The following TSC2 variants were observed in gnomAD, a reference collection of about 807,000 sequenced individuals.
TSC2 encodes tuberin.
In TSC2, 29 loss-of-function variants were observed where a neutral mutation model predicts 202.2. The ratio of observed to expected loss-of-function variants is 0.14; its 90% CI spans 0.11 to 0.20. The LOEUF is 0.20. Ranked by LOEUF, TSC2 falls within the 10% of genes least tolerant of loss-of-function variation. TSC2 has a pLI of 1.00. For synonymous variants in TSC2, 1,349 were observed against 1,044.0 expected (o/e 1.29, Z -5.63); for missense variants, 2,429 against 2,420.0 (o/e 1.00, Z -0.08).
At position 2,056,211 on chromosome 16, in the gene TSC2, G is replaced by A. The variant is rs1596275291; in HGVS notation, c.615G>A (p.Leu205=). The part of the protein sequence containing the change: ...IARMVQMICL[L]CVRTASSVDI... ...CTCCCTGCAGGATGATCTGTCTGCTGTGCGTCCGGACCGCGTCCTCTGTGG... is the reference window on the plus strand; with the variant it reads ...CTCCCTGCAGGATGATCTGTCTGCTATGCGTCCGGACCGCGTCCTCTGTGG... Residue 205 remains leucine, a synonymous_variant, in exon 7 of 42, where the codon CTG becomes CTA. Coordinates refer to ENST00000219476, the MANE Select transcript of TSC2 (RefSeq NM_000548.5). The A allele has an allele frequency of 1.9e-6, 3 of 1,614,018 alleles. No individual in the cohort carries two copies. The highest frequency in any genetic ancestry group is 2.5e-6 in the Non-Finnish European group (3 of 1,180,042).
In TSC2 at chr16:2,048,438, A is replaced by T. The variant is rs2150966887; in HGVS notation, c.-29-149A>T. On this transcript the variant is annotated intron_variant, in intron 1 of 41. Coordinates refer to ENST00000219476, the MANE Select transcript of TSC2 (RefSeq NM_000548.5). ...CTAGGTGCCTGTTTGCGAGCTGGTC[A>T]GCTGGGCTGTAGTTGAGTTCTCCCA... is the stretch of plus-strand genomic sequence containing the variant. The T allele has an allele frequency of 2.8e-6, 3 of 1,055,360 alleles. No homozygotes were observed. In the East Asian group the frequency reaches 7.8e-5, roughly 27 times the overall value. 65.4% of individuals were successfully genotyped at this position (1,055,360 alleles called of 1,614,324 possible). A position where few individuals can be genotyped will look rare whatever the true frequency, so the allele number is the denominator to read the frequency against.
rs1216419213 is a variant in TSC2, at chr16:2,056,251, G to C, written c.648+7G>C. 1 of 1,614,006 alleles carries C rather than the reference G, an allele frequency of 6.2e-7. No individual in the cohort carries two copies. Among genetic ancestry groups the C allele is most frequent in the African/African-American group, 1.3e-5 (1 of 75,066 alleles). On this transcript the variant is annotated splice_region_variant and intron_variant, in intron 7 of 41. Coordinates refer to ENST00000219476, the MANE Select transcript of TSC2 (RefSeq NM_000548.5). ...GTCCTCTGTGGACATAGAGGTCAGT[G>C]CCTCCCCTCCCCAGGGCCGGCCCAT...
intron 16 of TSC2, among the ~76,000 whole-genome samples, chr16:2,067,771 AAAAAC>A (rs1050378527): frequency 6.6e-6 from 1 of 152,292 alleles, no homozygotes; most frequent in South Asian, 2.1e-4. Context: ...ACAACGTCTC[AAAAAC>A]AAAACAAAGC....
rs760265207 is a variant in TSC2, at chr16:2,074,290, C to G, written c.2446C>G (p.Pro816Ala). The change falls in exon 22 of 42, where the codon CCT (proline) becomes GCT (alanine). Residue 816 changes from proline to alanine, a missense_variant. Physicochemically the swap from Pro to Ala is conservative, Grantham distance 27 (BLOSUM62 -1). Transcript: ENST00000219476. ...CTTGTCCATCTGCAGCGTGGAGATG[C>G]CTGACATCATCATCAAGGCGCTGCC... is the stretch of plus-strand genomic sequence containing the variant. ...VALSICSVEM[P>A]DIIIKALPVL... 2 of 1,613,044 alleles carry G rather than the reference C, an allele frequency of 1.2e-6. No homozygotes were observed. The highest frequency in any genetic ancestry group is 1.7e-6 in the Non-Finnish European group (2 of 1,180,036).
At position 2,085,453 on chromosome 16, in the gene TSC2, T is replaced by C. The variant is rs537588884; in HGVS notation, c.4662+131T>C. 14 of 979,846 alleles carry C rather than the reference T, an allele frequency of 1.4e-5. No individual in the cohort carries two copies. The African/African-American group carries it at 2.1e-4, about 15-fold the overall frequency. The allele number at this position is 979,846 out of a possible 1,614,324, so 60.7% of individuals were successfully genotyped here. On this transcript the variant is annotated intron_variant, in intron 36 of 41. Transcript: ENST00000219476. ...CCGGGTCCCCTACAGCATGAAGTGC[T>C]CATTGAGCTCTGTGCCAGGTGCTGC...
At chr16:2,056,568 G>T in intron 7 of TSC2, 76 bp from the exon 8 acceptor site, 2 of 1,581,558 alleles carry the variant, frequency 1.3e-6, no homozygotes, top group Non-Finnish European at 1.7e-6. Flanking sequence ...AAGGAGGTGG[G>T]AAGGAAGCCT....
intron 36 of TSC2, among the ~76,000 whole-genome samples, chr16:2,085,761 C>T (rs2090699023): frequency 1.3e-5 from 2 of 152,218 alleles, no homozygotes; most frequent in South Asian, 4.1e-4. Flanking sequence ...CCTCAGCGCC[C>T]TATAGGCTGC....
In TSC2 at chr16:2,085,006, C is replaced by T. The variant is rs1057522800; in HGVS notation, c.4549C>T (p.Pro1517Ser). Reference protein sequence around the residue: ...SPFFGDESNKPILLPNESQSF... With the variant: ...SPFFGDESNKSILLPNESQSF... ...CTTCTTTGGCGACGAGTCAAACAAG[C>T]CAATCCTGCTGCCCAATGAGGTAGG... Residue 1517 changes from proline (P) to serine (S), a missense_variant, in exon 35 of 42, where the codon CCA (proline) becomes TCA (serine). By Grantham distance (74) the Pro-to-Ser change is moderately conservative. Coordinates refer to ENST00000219476, the MANE Select transcript of TSC2 (RefSeq NM_000548.5). The T allele has an allele frequency of 1.2e-6, 2 of 1,613,432 alleles. No individual in the cohort carries two copies. Among genetic ancestry groups the T allele is most frequent in the East Asian group, 4.5e-5 (2 of 44,878 alleles).
chr16:2,087,272 G>A (rs752940717), intron 38 of TSC2: 27 of 357,752 alleles, frequency 7.5e-5, no homozygotes, highest in South Asian at 1.4e-4. Context: ...AGGTGGGCTG[G>A]GTCGGCCAGT....
In TSC2 at chr16:2,074,382, C is replaced by A. The variant is rs1360361868; in HGVS notation, c.2538C>A (p.Phe846Leu). 2 of 1,610,784 alleles carry A rather than the reference C, an allele frequency of 1.2e-6. No individual in the cohort carries two copies. The highest frequency in any genetic ancestry group is 1.1e-5 in the South Asian group (1 of 91,082). The part of the protein sequence containing the change: ...TASMAVPLLE[F>L]LSTLARLPHL... ...GCATGGCCGTCCCACTGCTGGAGTTCCTGTCCAGTGAGTCCCCGCCCTGCC... is the reference window on the plus strand; with the variant it reads ...GCATGGCCGTCCCACTGCTGGAGTTACTGTCCAGTGAGTCCCCGCCCTGCC... The change falls in exon 22 of 42, where the codon TTC (phenylalanine) becomes TTA (leucine). Residue 846 changes from phenylalanine (F) to leucine (L), a missense_variant. Coordinates refer to ENST00000219476, the MANE Select transcript of TSC2 (RefSeq NM_000548.5).
intron 7 of TSC2, 149 bp downstream of exon 7, chr16:2,056,393 A>G: frequency 8.2e-7 from 1 of 1,225,820 alleles, no homozygotes; most frequent in East Asian, 2.5e-5. Flanking sequence ...TCCCCCATGT[A>G]AGTCAGGATA....
Position 2,080,340 on chromosome 16 carries a change from C to G in TSC2, c.3573C>G (p.Thr1191=), listed in dbSNP as rs768318835. ...TNLAAYVPLL[T]QGWAEILVRR... is the part of the protein sequence containing the mutation. ...TGGCGGCCTATGTGCCCCTGCTGAC[C>G]CAGGGCTGGGCGGAGATCCTGGTCC... Residue 1191 remains threonine (T), a synonymous_variant, in exon 30 of 42, where the codon ACC becomes ACG. Transcript: ENST00000219476. 6.2e-7 allele frequency: 1 copy of G among 1,612,506 alleles called. No homozygotes were observed. The highest frequency in any genetic ancestry group is 8.5e-7 in the Non-Finnish European group (1 of 1,179,980).
intron 2 of TSC2, among the ~76,000 whole-genome samples, 192 bp from the exon 3 acceptor site, chr16:2,050,208 T>C (rs2084930484): frequency 6.6e-6 from 1 of 152,110 alleles, no homozygotes; most frequent in Admixed American, 6.5e-5. Flanking sequence ...CCACCTGCCT[T>C]GGCCCCCCAA....
At chr16:2,085,578 G>C (rs973136335) in intron 36 of TSC2, among the ~76,000 whole-genome samples, 1 of 152,194 alleles carries the variant, frequency 6.6e-6, no homozygotes, top group Non-Finnish European at 1.5e-5. Context: ...CGGTCGCAGG[G>C]CTGGGGAGGG....
chr16:2,075,728 GCAGCCGTGT>G, intron 22 of TSC2, 62 bp from the exon 23 acceptor site: 1 of 1,526,084 alleles, frequency 6.6e-7, no homozygotes, highest in Non-Finnish European at 9.0e-7. Context: ...CGTGGGCAGA[GCAGCCGTGT>G]TGGCCTTCAG....
rs1596438391 is a variant in TSC2 at position 2,086,226 on chromosome 16, C to T, written c.4696C>T (p.His1566Tyr). ...NSELAILSNE[H>Y]GSYRYTEFLT... The stretch of plus-strand genomic sequence containing the variant: ...CGAGCTCGCCATCCTGTCCAATGAG[C>T]ATGGCTCCTACAGGTACACGGAGTT... Residue 1566 changes from histidine (H) to tyrosine (Y), a missense_variant, in exon 37 of 42, where the codon CAT (histidine) becomes TAT (tyrosine). His to Tyr is a moderately conservative substitution (Grantham distance 83). Transcript: ENST00000219476. 6.2e-7 allele frequency: 1 copy of T among 1,612,746 alleles called. No individual in the cohort carries two copies. The highest frequency in any genetic ancestry group is 2.2e-5 in the East Asian group (1 of 44,866).
Position 2,086,213 on chromosome 16 carries a change from C to T in TSC2, c.4683C>T (p.Ile1561=), listed in dbSNP as rs145033857. 8.2e-5 allele frequency: 132 copies of T among 1,612,590 alleles called. No homozygotes were observed. Among genetic ancestry groups the T allele is most frequent in the Non-Finnish European group, 1.0e-4 (120 of 1,179,938 alleles). The change falls in exon 37 of 42, where the codon ATC becomes ATT. Residue 1561 remains isoleucine, a synonymous_variant. Transcript: ENST00000219476. ...GEGQSNSELA[I]LSNEHGSYRY... is the part of the protein sequence containing the mutation. ...CACAGAGCAACAGCGAGCTCGCCAT[C>T]CTGTCCAATGAGCATGGCTCCTACA... is the stretch of plus-strand genomic sequence containing the variant.
At chr16:2,066,195 C>T (rs938794781) in intron 16 of TSC2, 1 of 156,480 alleles carries the variant, frequency 6.4e-6, no homozygotes, top group African/African-American at 2.4e-5. Flanking sequence ...TGTGGATTTA[C>T]CTACTCTCAA....
chr16:2,070,644 T>C (rs963917602), intron 17 of TSC2, 66 bp downstream of exon 17: 7 of 1,608,706 alleles, frequency 4.4e-6, no homozygotes, highest in Non-Finnish European at 5.9e-6. Context: ...TCTCGGCAGG[T>C]GTGGTTCCTG....
Sources: allele counts gnomAD v4.1 joint callset (sites outside exome capture counted in the v4.1 genomes callset), GRCh38; gene constraint gnomAD v4.1.1; transcripts MANE v1.5; gene names NCBI Gene and HGNC (gene_info 2026-07-23, HGNC 2026-07-21).